The following TRIM5 variants were observed in gnomAD, a reference collection of about 807,000 sequenced individuals.
TRIM5 encodes the protein tripartite motif containing 5.
In TRIM5, 31 loss-of-function variants were observed where a neutral mutation model predicts 35.6. The ratio of observed to expected loss-of-function variants is 0.87; its 90% confidence interval spans 0.65 to 1.18. The LOEUF is 1.18. Among genes scored for constraint, TRIM5 ranks in the 50% most tolerant of loss-of-function variants. The pLI, the probability that TRIM5 is intolerant of heterozygous loss-of-function variation, is 0.00. For synonymous variants in TRIM5, 243 were observed against 215.6 expected (o/e 1.13, Z -1.11); for missense variants, 609 against 591.6 (o/e 1.03, Z -0.31).
At chr11:5,639,621 A>G in the TRIM5 span, among the ~76,000 whole-genome samples, 4 of 142,352 alleles carry the variant, frequency 2.8e-5, 1 homozygote, top group Admixed American at 2.3e-4. Context: ...TGGAGGTTGC[A>G]GCGAGCCAAG....
At chr11:5,679,043 G>A in intron 3 of TRIM5, 31 bp downstream of exon 3, 1 of 1,589,548 alleles carries the variant, frequency 6.3e-7, no homozygotes, top group Non-Finnish European at 8.6e-7. Context: ...CAGATTTCTA[G>A]CTAACTCCTT....
the TRIM5 span, chr11:5,634,697 A>C: frequency 6.2e-7 from 1 of 1,614,100 alleles, no homozygotes; most frequent in Non-Finnish European, 8.5e-7. Flanking sequence ...CATCCTAAAT[A>C]ATGAGGAGCA....
chr11:5,660,206 A>C (rs1453403571), downstream of TRIM5, among the ~76,000 whole-genome samples: 1 of 152,090 alleles, frequency 6.6e-6, no homozygotes, highest in Non-Finnish European at 1.5e-5. Flanking sequence ...CGAAATCCTG[A>C]TCTTGTGATC....
the TRIM5 span, among the ~76,000 whole-genome samples, chr11:5,629,366 G>A: frequency 6.6e-6 from 1 of 152,186 alleles, no homozygotes; most frequent in Non-Finnish European, 1.5e-5. Context: ...CTGCAAAGAT[G>A]TGATTTTCAA....
the TRIM5 span, chr11:5,596,790 G>C: frequency 6.4e-7 from 1 of 1,573,122 alleles, no homozygotes; most frequent in East Asian, 2.2e-5. Flanking sequence ...AGCCGAGTGA[G>C]CGCGCTCTGT....
the TRIM5 span, among the ~76,000 whole-genome samples, chr11:5,597,577 CCCAA>C: frequency 3.9e-5 from 6 of 152,044 alleles, no homozygotes; most frequent in East Asian, 1.2e-3. Flanking sequence ...AGAACTCATG[CCCAA>C]CTCACTTATA....
In TRIM5 at chr11:5,680,002, C is replaced by A. The variant is rs200209793; in HGVS notation, c.176G>T (p.Arg59Leu). ...DKGESSCPVCRISYQPENIRP... is the reference protein window; with the variant it reads ...DKGESSCPVCLISYQPENIRP... ...TATGTTCTCAGGCTGGTAACTGATCCGGCACACAGGGCAGCTACTCTCTCC... is the reference window on the plus strand; with the variant it reads ...TATGTTCTCAGGCTGGTAACTGATCAGGCACACAGGGCAGCTACTCTCTCC... Residue 59 changes from arginine to leucine, a missense_variant, in exon 2 of 8, where the codon CGG becomes CTG. Coordinates refer to ENST00000380034, the MANE Select transcript of TRIM5 (RefSeq NM_033034.3). 1 of 1,614,052 alleles carries A rather than the reference C, an allele frequency of 6.2e-7. No homozygotes were observed. The highest frequency in any genetic ancestry group is 1.3e-5 in the African/African-American group (1 of 74,996).
the TRIM5 span, among the ~76,000 whole-genome samples, chr11:5,607,045 C>T: frequency 1.1e-4 from 16 of 151,868 alleles, no homozygotes; most frequent in East Asian, 1.9e-4. Flanking sequence ...CTACTAAAAA[C>T]ACAAAAAAAT....
chr11:5,642,782 T>C, the TRIM5 span: 2 of 1,613,706 alleles, frequency 1.2e-6, no homozygotes, highest in South Asian at 2.2e-5. Context: ...CTCCTTTGTT[T>C]CTAATCAGCA....
chr11:5,643,789 G>T, the TRIM5 span: 1 of 1,499,216 alleles, frequency 6.7e-7, no homozygotes, highest in Non-Finnish European at 8.9e-7. Context: ...TCACACCATT[G>T]CTTCCTTGTG....
At chr11:5,668,196 A>G (rs188521632) in intron 4 of TRIM5, among the ~76,000 whole-genome samples, 56 of 152,290 alleles carry the variant, frequency 3.7e-4, no homozygotes, top group African/African-American at 1.3e-3. Context: ...ATTTGAGCCC[A>G]GAAGTTTGAC....
chr11:5,597,676 C>T, the TRIM5 span, among the ~76,000 whole-genome samples: 824 of 152,202 alleles, frequency 5.4e-3, 7 homozygotes, highest in Middle Eastern at 0.014. Context: ...TAACTCTGAA[C>T]CCCCAGCCTA....
chr11:5,665,823 C>G, intron 6 of TRIM5, 141 bp from the exon 7 acceptor site: 2 of 1,333,950 alleles, frequency 1.5e-6, no homozygotes, highest in Non-Finnish European at 2.0e-6. Flanking sequence ...AAACAGCCAC[C>G]TAGCCATTTC....
At chr11:5,636,048 G>A in the TRIM5 span, among the ~76,000 whole-genome samples, 306 of 152,264 alleles carry the variant, frequency 2.0e-3, no homozygotes, top group African/African-American at 7.0e-3. Context: ...ATACCTAGAA[G>A]AACTGAATAC....
chr11:5,588,782 AT>A, the TRIM5 span: 110,434 of 148,130 alleles, frequency 0.75, 42,321 homozygotes, highest in Non-Finnish European at 0.84. Flanking sequence ...CTGCCCACAG[AT>A]TTTTTTTTTT....
chr11:5,682,842 G>A (rs1343422759), intron 1 of TRIM5, among the ~76,000 whole-genome samples: 1 of 151,988 alleles, frequency 6.6e-6, no homozygotes, highest in Non-Finnish European at 1.5e-5. Context: ...CTCCCACTTT[G>A]GCGGCACTTG....
Position 5,680,345 on chromosome 11 carries a change from CA to C in TRIM5, c.-61-108del, listed in dbSNP as rs995561803. On this transcript the variant is annotated intron_variant, in intron 1 of 7. Coordinates refer to ENST00000380034, the MANE Select transcript of TRIM5 (RefSeq NM_033034.3). ...TGGGCAAGATGAAAATAATTAAGGA[CA>C]AAAAAAGGGGAGAAATAAGAAAAGG... is the stretch of plus-strand genomic sequence containing the variant. The C allele has an allele frequency of 4.8e-4, 318 of 664,424 alleles. 1 individual carries two copies. In the African/African-American group the frequency reaches 5.0e-3, roughly 11 times the overall value. The allele number at this position is 664,424 out of a possible 1,614,324, so 41.2% of individuals were successfully genotyped here.
At chr11:5,667,906 T>C (rs1361508035) in intron 4 of TRIM5, among the ~76,000 whole-genome samples, 195 bp from the exon 5 acceptor site, 2 of 152,142 alleles carry the variant, frequency 1.3e-5, no homozygotes, top group Non-Finnish European at 2.9e-5. Flanking sequence ...CCCTTAAAAG[T>C]AGAAATAGCT....
chr11:5,613,270 G>A, the TRIM5 span, among the ~76,000 whole-genome samples: 747 of 152,356 alleles, frequency 4.9e-3, 1 homozygote, highest in Non-Finnish European at 7.9e-3. Context: ...CATGACCAGA[G>A]AATGATTCTG....
Sources: gnomAD v4.1 joint callset for allele counts (sites outside exome capture counted in the v4.1 genomes callset) on GRCh38, gnomAD v4.1.1 for gene constraint, MANE v1.5 for transcripts, NCBI Gene and HGNC (gene_info 2026-07-23, HGNC 2026-07-21) for gene names.